Variants in SLC9A4 observed in about 807,000 individuals in gnomAD.
The protein encoded by SLC9A4 is sodium/hydrogen exchanger 4.
Under a neutral mutation model 67.4 loss-of-function variants are expected in SLC9A4, and 63 were observed. The observed-to-expected ratio is 0.93, with a 90% confidence interval of 0.76 to 1.15. The LOEUF is 1.15. Ranked by LOEUF, SLC9A4 falls within the 50% of genes most tolerant of loss-of-function variation. The pLI is 0.00. For missense variants in SLC9A4, 1,089 were observed against 987.7 expected (o/e 1.10, Z -1.38); for synonymous variants, 393 against 367.2 (o/e 1.07, Z -0.80).
intron 6 of SLC9A4, among the ~76,000 whole-genome samples, chr2:102,510,219 AGATACG>A (rs1558668704): frequency 3.6e-5 from 5 of 137,774 alleles, no homozygotes; most frequent in East Asian, 4.0e-4. Flanking sequence ...ATATAGATAC[AGATACG>A]GATACGGATA....
intron 9 of SLC9A4, among the ~76,000 whole-genome samples, chr2:102,522,496 T>C (rs1685448537): frequency 6.6e-6 from 1 of 152,068 alleles, no homozygotes; most frequent in African/African-American, 2.4e-5. Flanking sequence ...ACGTGGGTCA[T>C]GGGAGGTTAT....
At chr2:102,481,092 T>C (rs749774461) in intron 2 of SLC9A4, among the ~76,000 whole-genome samples, 1 of 152,144 alleles carries the variant, frequency 6.6e-6, no homozygotes, top group Admixed American at 6.5e-5. Flanking sequence ...GAGGGTGGTT[T>C]GGCTGGGGCA....
chr2:102,507,768 A>G lies in SLC9A4; in HGVS notation c.1199-311A>G, dbSNP rs537416628. Among the ~76,000 whole-genome samples, 32 of 152,318 alleles carry G rather than the reference A, an allele frequency of 2.1e-4. 1 individual carries two copies. The highest frequency in any genetic ancestry group is 1.9e-3 in the South Asian group (9 of 4,828). The stretch of plus-strand genomic sequence containing the variant: ...GAAAGGTGGGACAAAAATTATGAAT[A>G]TAGATTAGAAAATATATACCTTACA... On this transcript the variant is annotated intron_variant, in intron 4 of 11. Transcript: ENST00000295269.
intron 11 of SLC9A4, 110 bp downstream of exon 11, chr2:102,526,456 T>A (rs1272664055): frequency 1.1e-6 from 1 of 911,154 alleles, no homozygotes; most frequent in Non-Finnish European, 1.6e-6. Flanking sequence ...GTTACTTACA[T>A]GATAAGAAAA....
rs1417839111 is a variant in SLC9A4, at chr2:102,520,103, G to A, written c.1818+148G>A. 4 of 639,238 alleles carry A rather than the reference G, an allele frequency of 6.3e-6. No individual in the cohort carries two copies. The East Asian group carries it at 1.2e-4, about 19-fold the overall frequency. 39.6% of individuals were successfully genotyped at this position (639,238 alleles called of 1,614,324 possible). On this transcript the variant is annotated intron_variant, in intron 9 of 11. Coordinates refer to ENST00000295269, the MANE Select transcript of SLC9A4 (RefSeq NM_001011552.4). Reference sequence around the variant, plus strand: ...TGAATATTTTCTCTCTGCTTAGTTTGGAGAATAGAAAGTTAATTGTCATGT... The same window carrying A: ...TGAATATTTTCTCTCTGCTTAGTTTAGAGAATAGAAAGTTAATTGTCATGT...
chr2:102,497,747 C>T (rs1006328218), intron 2 of SLC9A4, among the ~76,000 whole-genome samples: 5 of 152,196 alleles, frequency 3.3e-5, no homozygotes, highest in Non-Finnish European at 5.9e-5. Flanking sequence ...TTGACTATGG[C>T]GATGGCTTTA....
chr2:102,483,831 T>C (rs866645450), intron 2 of SLC9A4, among the ~76,000 whole-genome samples: 12 of 64,090 alleles, frequency 1.9e-4, no homozygotes, highest in African/African-American at 7.2e-4. Context: ...TATATATATA[T>C]ATATATATAT....
chr2:102,524,085 T>C (rs1003333523), intron 9 of SLC9A4, among the ~76,000 whole-genome samples: 20 of 152,254 alleles, frequency 1.3e-4, no homozygotes, highest in African/African-American at 4.8e-4. Flanking sequence ...GTAATTCTAA[T>C]TTACTCACTT....
In SLC9A4 at chr2:102,505,267, G is replaced by A. The variant is rs369636879; in HGVS notation, c.994G>A (p.Ala332Thr). 416 of 1,613,854 alleles carry A rather than the reference G, an allele frequency of 2.6e-4. No individual in the cohort carries two copies. The highest frequency in any genetic ancestry group is 3.4e-4 in the Non-Finnish European group (396 of 1,179,970). ...CTCCTTTTATAGAATCACAGCCTGC[G>A]CAGTAACAATGAAAAAGTACGTGGA... ...LSGILAITAC[A>T]VTMKKYVEEN... The change falls in exon 4 of 12, where the codon GCA (alanine) becomes ACA (threonine). Residue 332 changes from alanine to threonine, a missense_variant. By Grantham distance (58) the Ala-to-Thr change is moderately conservative (BLOSUM62 0). Coordinates refer to ENST00000295269, the MANE Select transcript of SLC9A4 (RefSeq NM_001011552.4).
chr2:102,514,804 T>C (rs938121167), intron 8 of SLC9A4, among the ~76,000 whole-genome samples: 1 of 152,146 alleles, frequency 6.6e-6, no homozygotes, highest in Non-Finnish European at 1.5e-5. Flanking sequence ...TTGTCTTGAG[T>C]CTATGTGAGA....
At chr2:102,504,260 G>C (rs1685004243) in intron 3 of SLC9A4, among the ~76,000 whole-genome samples, 1 of 152,112 alleles carries the variant, frequency 6.6e-6, no homozygotes. Context: ...CACCATGTTA[G>C]CCAAGATGGT....
At chr2:102,477,574 C>T (rs1207759577) in intron 1 of SLC9A4, among the ~76,000 whole-genome samples, 1 of 152,076 alleles carries the variant, frequency 6.6e-6, no homozygotes, top group African/African-American at 2.4e-5. Context: ...ACATAGTAGA[C>T]AGGGATTATT....
intron 2 of SLC9A4, among the ~76,000 whole-genome samples, chr2:102,483,837 T>TACACAC (rs1361861820): frequency 4.9e-5 from 6 of 121,814 alleles, no homozygotes; most frequent in African/African-American, 1.7e-4. Context: ...TATATATATA[T>TACACAC]ATATACACAC....
Position 102,514,168 on chromosome 2 carries a change from G to A in SLC9A4, c.1638G>A (p.Leu546=), listed in dbSNP as rs1020057116. 6.2e-7 allele frequency: 1 copy of A among 1,613,918 alleles called. No individual in the cohort carries two copies. Among genetic ancestry groups the A allele is most frequent in the Non-Finnish European group, 8.5e-7 (1 of 1,180,008 alleles). The change falls in exon 8 of 12, where the codon TTG becomes TTA. Residue 546 remains leucine, a synonymous_variant. Transcript: ENST00000295269. ...KNLPKSSIVS[L]YKKLEMKQAI... Reference sequence around the variant, plus strand: ...TACCCAAATCAAGCATTGTTTCTTTGTACAAGAAGCTGGAAATGAAGCAAG... The same window carrying A: ...TACCCAAATCAAGCATTGTTTCTTTATACAAGAAGCTGGAAATGAAGCAAG...
At chr2:102,477,800 G>T (rs530993684) in intron 1 of SLC9A4, among the ~76,000 whole-genome samples, 1 of 152,212 alleles carries the variant, frequency 6.6e-6, no homozygotes, top group Non-Finnish European at 1.5e-5. Flanking sequence ...GCTACATAAA[G>T]ATAGTGCAGA....
At chr2:102,501,976 C>T (rs566198987) in intron 2 of SLC9A4, among the ~76,000 whole-genome samples, 1 of 152,058 alleles carries the variant, frequency 6.6e-6, no homozygotes, top group Admixed American at 6.5e-5. Flanking sequence ...TCTAGAAGGT[C>T]CACACAGTCC....
intron 9 of SLC9A4, among the ~76,000 whole-genome samples, chr2:102,524,264 C>T (rs1558653): frequency 0.11 from 16,345 of 152,136 alleles, 1,153 homozygotes; most frequent in African/African-American, 0.19. Context: ...CAGTGTGTCA[C>T]CTACTGACCC....
chr2:102,525,038 C>T lies in SLC9A4; in HGVS notation c.1833C>T (p.Asn611=). 1 of 1,614,044 alleles carries T rather than the reference C, an allele frequency of 6.2e-7. No individual in the cohort carries two copies. Among genetic ancestry groups the T allele is most frequent in the Non-Finnish European group, 8.5e-7 (1 of 1,179,956 alleles). The change falls in exon 10 of 12, where the codon AAC becomes AAT. Residue 611 remains asparagine, a synonymous_variant. Transcript: ENST00000295269. The part of the protein sequence containing the change: ...YQVRQRTLSY[N]KYNLKPQTSE... ...TTTCTCTGCAGACCCTGTCCTACAA[C>T]AAATACAACCTCAAACCCCAAACAA...
chr2:102,502,383 T>C (rs754324201), intron 2 of SLC9A4, among the ~76,000 whole-genome samples: 3 of 152,114 alleles, frequency 2.0e-5, no homozygotes, highest in African/African-American at 4.8e-5. Context: ...TTCGATGAAA[T>C]GATGTGTATG....
Sources: allele counts gnomAD v4.1 joint callset (sites outside exome capture counted in the v4.1 genomes callset), GRCh38; gene constraint gnomAD v4.1.1; transcripts MANE v1.5; gene names NCBI Gene and HGNC (gene_info 2026-07-23, HGNC 2026-07-21).